The following FYCO1 variants were observed in gnomAD, a reference collection of about 807,000 sequenced individuals.
FYCO1 encodes FYVE and coiled-coil domain autophagy adaptor 1, also known as FYVE and coiled-coil domain-containing protein 1.
In FYCO1, 122 loss-of-function variants were observed where a neutral mutation model predicts 165.1. The observed-to-expected ratio is 0.74, with a 90% CI of 0.64 to 0.86. The LOEUF (loss-of-function observed/expected upper bound fraction) is 0.86. Among genes scored for constraint, FYCO1 ranks in the 40% least tolerant of loss-of-function variants. The pLI is 0.00. For missense variants in FYCO1, 1,702 were observed against 1,810.3 expected, an observed-to-expected ratio of 0.94 and a Z score of 1.09; for synonymous variants, 648 against 742.5, an observed-to-expected ratio of 0.87 and a Z score of 2.07.
intron 15 of FYCO1, among the ~76,000 whole-genome samples, chr3:45,934,185 T>C (rs1432469797): frequency 6.6e-6 from 1 of 151,740 alleles, no homozygotes; most frequent in Non-Finnish European, 1.5e-5. Context: ...ATCACTGGAG[T>C]CCCAAATGGA....
intron 15 of FYCO1, among the ~76,000 whole-genome samples, chr3:45,935,663 A>C (rs1347364559): frequency 1.3e-5 from 2 of 152,052 alleles, no homozygotes; most frequent in African/African-American, 4.8e-5. Flanking sequence ...CTGTTATCCT[A>C]CTTTATCTTT....
At chr3:45,990,480 G>A (rs1707509287) in intron 1 of FYCO1, among the ~76,000 whole-genome samples, 1 of 152,194 alleles carries the variant, frequency 6.6e-6, no homozygotes, top group Non-Finnish European at 1.5e-5. Context: ...ATGATTCTCA[G>A]CCCTCACTGC....
intron 15 of FYCO1, among the ~76,000 whole-genome samples, chr3:45,936,012 T>C (rs1270714410): frequency 6.6e-6 from 1 of 152,216 alleles, no homozygotes; most frequent in East Asian, 1.9e-4. Flanking sequence ...TTTGTTTGTG[T>C]CAAAAATTAT....
intron 1 of FYCO1, among the ~76,000 whole-genome samples, chr3:45,992,915 C>CA (rs397815072): frequency 6.6e-6 from 1 of 152,008 alleles, no homozygotes; most frequent in Non-Finnish European, 1.5e-5. Flanking sequence ...GGCCTTGCCC[C>CA]CTGCATGCTA....
At chr3:45,958,010 A>C (rs952020434) in intron 13 of FYCO1, among the ~76,000 whole-genome samples, 1 of 152,218 alleles carries the variant, frequency 6.6e-6, no homozygotes, top group Non-Finnish European at 1.5e-5. Context: ...TTGGACATGA[A>C]GGAAGAGCGA....
intron 16 of FYCO1, among the ~76,000 whole-genome samples, chr3:45,925,080 C>A (rs1322058309): frequency 6.6e-6 from 1 of 152,040 alleles, no homozygotes; most frequent in Non-Finnish European, 1.5e-5. Flanking sequence ...CAGGTGTACA[C>A]CAACACACCC....
rs1204726032 is a variant in FYCO1 at position 45,994,686 on chromosome 3, A to G, written c.-113+1036T>C. Among the ~76,000 whole-genome samples the G allele has an allele frequency of 4.4e-5, 6 of 135,296 alleles. No homozygotes were observed. The Admixed American group carries it at 4.5e-4, about 10-fold the overall frequency. The allele number at this position is 135,296 out of a possible 152,430, so 88.8% of individuals were successfully genotyped here. On this transcript the variant is annotated intron_variant, in intron 1 of 17. Coordinates refer to ENST00000296137, the MANE Select transcript of FYCO1 (RefSeq NM_024513.4). ...CCAGCCCCCAACACCCTCCAGCCGC[A>G]TTAGGCAGATGGCAGGGGAATTAAG...
At chr3:45,961,598 A>T (rs1348921191) in intron 11 of FYCO1, among the ~76,000 whole-genome samples, 1 of 152,140 alleles carries the variant, frequency 6.6e-6, no homozygotes, top group Non-Finnish European at 1.5e-5. Flanking sequence ...AAAATTCAAA[A>T]AATAGAAAAT....
At chr3:45,921,891 C>T (rs550012270) in intron 17 of FYCO1, 51 bp from the exon 18 acceptor site, 17 of 1,224,520 alleles carry the variant, frequency 1.4e-5, no homozygotes, top group East Asian at 1.2e-4. Flanking sequence ...GCTGAAAGTC[C>T]GAGGGGTGGC....
At position 45,967,974 on chromosome 3, in the gene FYCO1, G is replaced by A. The variant is rs199721604; in HGVS notation, c.1360C>T (p.Pro454Ser). 114 of 1,613,978 alleles carry A rather than the reference G, an allele frequency of 7.1e-5. No homozygotes were observed. The highest frequency in any genetic ancestry group is 3.5e-5 in the Non-Finnish European group (41 of 1,180,030). ...TTCCCAGACAACTCCTCCTGGAGTG[G>A]GGCCATCTCCTTCACCAGGCGCTCC... ...SLERLVKEMA[P>S]LQEELSGKGQ... The change falls in exon 8 of 18, where the codon CCA (proline) becomes TCA (serine). Residue 454 changes from proline to serine, a missense_variant. Physicochemically the swap from Pro to Ser is moderately conservative, Grantham distance 74. Coordinates refer to ENST00000296137, the MANE Select transcript of FYCO1 (RefSeq NM_024513.4).
chr3:45,968,532 T>G lies in FYCO1; in HGVS notation c.802A>C (p.Ser268Arg). 6.2e-7 allele frequency: 1 copy of G among 1,614,048 alleles called. No individual in the cohort carries two copies. The highest frequency in any genetic ancestry group is 8.5e-7 in the Non-Finnish European group (1 of 1,180,036). The change falls in exon 8 of 18, where the codon AGC (serine) becomes CGC (arginine). Residue 268 changes from serine to arginine, a missense_variant. By Grantham distance (110) the Ser-to-Arg change is moderately radical. Transcript: ENST00000296137. ...GTCTGCAGTTGCTCCCCTTGCTGGC[T>G]GACAGCTGCCCTCAGCTCCTGGTTC... is the stretch of plus-strand genomic sequence containing the variant. ...RENQELRAAV[S>R]QQGEQLQTER...
intron 7 of FYCO1, among the ~76,000 whole-genome samples, chr3:45,969,470 A>G (rs537971394): frequency 1.3e-5 from 2 of 152,342 alleles, no homozygotes; most frequent in East Asian, 3.9e-4. Flanking sequence ...CTTTAAAATC[A>G]TTTAGAAGAA....
chr3:45,965,458 TA>T (rs1265068008), intron 8 of FYCO1, among the ~76,000 whole-genome samples: 4 of 152,014 alleles, frequency 2.6e-5, no homozygotes, highest in Non-Finnish European at 4.4e-5. Context: ...GGGTTAGGAG[TA>T]GCCTGAGAGT....
intron 1 of FYCO1, among the ~76,000 whole-genome samples, chr3:45,985,955 T>C (rs914654876): frequency 1.3e-5 from 2 of 152,212 alleles, no homozygotes; most frequent in African/African-American, 2.4e-5. Context: ...AAGACTAGAG[T>C]TGGCTGTGGT....
intron 2 of FYCO1, among the ~76,000 whole-genome samples, chr3:45,984,027 G>A (rs1306345020): frequency 1.3e-5 from 2 of 152,168 alleles, no homozygotes; most frequent in East Asian, 3.9e-4. Flanking sequence ...TTAGAAGCCT[G>A]GGCCTTTAGT....
intron 14 of FYCO1, among the ~76,000 whole-genome samples, chr3:45,951,674 A>T (rs1220001837): frequency 6.6e-6 from 1 of 152,164 alleles, no homozygotes; most frequent in African/African-American, 2.4e-5. Flanking sequence ...GGGGTTGTGC[A>T]TGGGTGTGTC....
intron 14 of FYCO1, 81 bp downstream of exon 14, chr3:45,955,168 A>G (rs939139861): frequency 2.6e-6 from 4 of 1,511,842 alleles, no homozygotes; most frequent in Non-Finnish European, 3.7e-6. Flanking sequence ...CCAGTGTCTC[A>G]CTTTCCTCAT....
chr3:45,983,795 G>C (rs1707174560), intron 2 of FYCO1, among the ~76,000 whole-genome samples: 1 of 152,220 alleles, frequency 6.6e-6, no homozygotes, highest in African/African-American at 2.4e-5. Context: ...TAGGAGCATA[G>C]ACTGGTGCCA....
chr3:45,970,590 G>C (rs1054796653), intron 6 of FYCO1, among the ~76,000 whole-genome samples: 2 of 151,660 alleles, frequency 1.3e-5, no homozygotes, highest in African/African-American at 2.4e-5. Flanking sequence ...CTTTTTTTTT[G>C]AAAAGGGCCA....
Sources: gnomAD v4.1 joint callset for allele counts (sites outside exome capture counted in the v4.1 genomes callset) on GRCh38, gnomAD v4.1.1 for gene constraint, MANE v1.5 for transcripts, NCBI Gene and HGNC (gene_info 2026-07-23, HGNC 2026-07-21) for gene names.